KIAA2012: variants seen among roughly 807,000 people sequenced by gnomAD.
KIAA2012 encodes the protein uncharacterized protein KIAA2012.
In KIAA2012, 125 loss-of-function variants were observed where a neutral mutation model predicts 150.6. That is an observed-to-expected ratio of 0.83 (90% CI 0.72 to 0.96). The LOEUF (loss-of-function observed/expected upper bound fraction) is 0.96, where lower values mean the gene tolerates loss of function less well. Among genes scored for constraint, KIAA2012 ranks in the 40% least tolerant of loss-of-function variants. The pLI, the probability that KIAA2012 is intolerant of heterozygous loss-of-function variation, is 0.00. For missense variants in KIAA2012, 1,219 were observed against 1,354.9 expected (o/e 0.90, Z 1.57); for synonymous variants, 462 against 504.7 (o/e 0.92, Z 1.13).
intron 13 of KIAA2012, among the ~76,000 whole-genome samples, chr2:202,152,711 T>C (rs1203125220): frequency 6.6e-6 from 1 of 152,152 alleles, no homozygotes; most frequent in Non-Finnish European, 1.5e-5. Flanking sequence ...GATAAAAAAA[T>C]TGGATGTGTG....
intron 11 of KIAA2012, chr2:202,114,511 A>G (rs1398744927): frequency 1.2e-5 from 2 of 167,148 alleles, no homozygotes; most frequent in African/African-American, 2.4e-5. Context: ...TGGAAAGCAA[A>G]TATGATTCTG....
intron 15 of KIAA2012, chr2:202,179,486 G>T: frequency 1.4e-6 from 1 of 705,858 alleles, no homozygotes; most frequent in Non-Finnish European, 2.7e-6. Context: ...TGTAGACAAA[G>T]TGGAACCAAT....
At chr2:202,200,905 C>T (rs1692508226) in intron 22 of KIAA2012, among the ~76,000 whole-genome samples, 2 of 151,878 alleles carry the variant, frequency 1.3e-5, no homozygotes, top group Non-Finnish European at 2.9e-5. Context: ...GGGGTTTCTC[C>T]ATGTTAGTCA....
intron 2 of KIAA2012, among the ~76,000 whole-genome samples, chr2:202,083,907 C>A (rs1689506350): frequency 6.6e-6 from 1 of 152,078 alleles, no homozygotes; most frequent in Non-Finnish European, 1.5e-5. Context: ...AGTGTGACTG[C>A]TTCTTACTGG....
rs1473357980 is a variant in KIAA2012 at position 202,140,380 on chromosome 2, G to A, written c.1908+1872G>A. Among the ~76,000 whole-genome samples the A allele has an allele frequency of 1.2e-4, 19 of 152,182 alleles. 1 individual carries two copies. Among genetic ancestry groups the A allele is most frequent in the Admixed American group, 1.2e-3 (19 of 15,282 alleles). On this transcript the variant is annotated intron_variant, in intron 13 of 23. Coordinates refer to ENST00000498697, the MANE Select transcript of KIAA2012 (RefSeq NM_001277372.4). ...CTGTGGAAAGTCAGCTCCCTGAGAA[G>A]CCCATGCACCTGCCTCCTTTGTGAA...
chr2:202,143,382 A>G (rs1300816772), intron 13 of KIAA2012, among the ~76,000 whole-genome samples: 1 of 151,990 alleles, frequency 6.6e-6, no homozygotes, highest in Non-Finnish European at 1.5e-5. Flanking sequence ...CACCGTGCCC[A>G]GCCTGATTTA....
intron 22 of KIAA2012, among the ~76,000 whole-genome samples, chr2:202,201,162 A>G (rs1692515275): frequency 6.6e-6 from 1 of 152,176 alleles, no homozygotes; most frequent in South Asian, 2.1e-4. Flanking sequence ...TTATGAATGG[A>G]TACCTCCCTT....
intron 11 of KIAA2012, among the ~76,000 whole-genome samples, chr2:202,123,447 T>G (rs1475019503): frequency 6.6e-6 from 1 of 152,126 alleles, no homozygotes; most frequent in Non-Finnish European, 1.5e-5. Context: ...AACCGTAGGG[T>G]CAACAATTAA....
chr2:202,150,813 C>T (rs1691411403), intron 13 of KIAA2012, among the ~76,000 whole-genome samples: 1 of 152,194 alleles, frequency 6.6e-6, no homozygotes, highest in African/African-American at 2.4e-5. Context: ...AACCTTCAGG[C>T]ATCTCTGCTT....
chr2:202,077,671 G>C lies in KIAA2012; in HGVS notation c.369+2496G>C, dbSNP rs77861285. The stretch of plus-strand genomic sequence containing the variant: ...GGAGAAGCAACTCAAAAGGGACTTC[G>C]AATTAAAGAAAATGAACACACTGGG... On this transcript the variant is annotated intron_variant, in intron 2 of 23. Transcript: ENST00000498697. Among the ~76,000 whole-genome samples the C allele has an allele frequency of 2.3e-4, 35 of 152,134 alleles. No individual in the cohort carries two copies. In the East Asian group the frequency reaches 6.8e-3, roughly 29 times the overall value.
chr2:202,117,614 T>C (rs533725601), intron 11 of KIAA2012, among the ~76,000 whole-genome samples: 97 of 152,334 alleles, frequency 6.4e-4, no homozygotes, highest in South Asian at 2.7e-3. Context: ...AATAACTTCA[T>C]TGCCTTGGAC....
intron 15 of KIAA2012, chr2:202,179,666 G>A: frequency 6.1e-6 from 4 of 658,672 alleles, no homozygotes; most frequent in South Asian, 4.1e-5. Context: ...ACTCAGTCAG[G>A]TGGTGTTTGT....
At chr2:202,106,703 A>AT (rs11398160) in intron 9 of KIAA2012, among the ~76,000 whole-genome samples, 52,239 of 151,536 alleles carry the variant, frequency 0.34, 10,489 homozygotes, top group African/African-American at 0.56. Flanking sequence ...AAAAAAAAAA[A>AT]TTTTTTTTAA....
intron 23 of KIAA2012, among the ~76,000 whole-genome samples, chr2:202,204,076 G>GTTT (rs143485165): frequency 2.2e-5 from 3 of 139,432 alleles, no homozygotes; most frequent in Non-Finnish European, 4.6e-5. Flanking sequence ...GCGGTTTTTT[G>GTTT]TTTTTTTTTT....
intron 13 of KIAA2012, among the ~76,000 whole-genome samples, chr2:202,147,325 C>T (rs1691322353): frequency 6.6e-6 from 1 of 152,160 alleles, no homozygotes; most frequent in African/African-American, 2.4e-5. Context: ...ATTGCTTTCG[C>T]CATATACCTA....
intron 11 of KIAA2012, chr2:202,114,818 C>G (rs1690473628): frequency 6.1e-6 from 1 of 164,014 alleles, no homozygotes; most frequent in Non-Finnish European, 1.5e-5. Flanking sequence ...TGCCTGCCAT[C>G]TTGTCCCAGT....
At chr2:202,156,699 C>A (rs1691535097) in intron 14 of KIAA2012, among the ~76,000 whole-genome samples, 1 of 152,186 alleles carries the variant, frequency 6.6e-6, no homozygotes, top group Non-Finnish European at 1.5e-5. Flanking sequence ...GCCTGGCTAA[C>A]ACGGTGAAAC....
intron 11 of KIAA2012, among the ~76,000 whole-genome samples, chr2:202,120,226 A>C (rs1218899768): frequency 2.0e-5 from 3 of 152,116 alleles, no homozygotes; most frequent in Non-Finnish European, 4.4e-5. Context: ...AACTTTTAAA[A>C]ATTAGCTGGG....
At chr2:202,073,878 C>A (rs1387446611) in intron 1 of KIAA2012, among the ~76,000 whole-genome samples, 167 bp downstream of exon 1, 1 of 151,338 alleles carries the variant, frequency 6.6e-6, no homozygotes, top group Admixed American at 6.6e-5. Context: ...AAAATAACAT[C>A]ATTTTCCTGA....
Sources: allele counts gnomAD v4.1 joint callset (sites outside exome capture counted in the v4.1 genomes callset), GRCh38; gene constraint gnomAD v4.1.1; transcripts MANE v1.5; gene names NCBI Gene and HGNC (gene_info 2026-07-23, HGNC 2026-07-21).